The following PLD1 variants were observed in gnomAD, a reference collection of about 807,000 sequenced individuals.
PLD1 encodes the protein choline phosphatase 1.
PLD1 carries 112 observed loss-of-function variants against 137.1 expected under a neutral mutation model. That is an observed-to-expected ratio of 0.82 (90% CI 0.70 to 0.96). The LOEUF (loss-of-function observed/expected upper bound fraction) is 0.96. Ranked by LOEUF, PLD1 falls within the 40% of genes least tolerant of loss-of-function variation. PLD1 has a pLI of 0.00. For synonymous variants in PLD1, 431 were observed against 454.7 expected (o/e 0.95, Z 0.66); for missense variants, 1,321 against 1,342.0 (o/e 0.98, Z 0.24).
chr3:171,632,486 A>T (rs1297247818), intron 23 of PLD1, among the ~76,000 whole-genome samples: 1 of 152,152 alleles, frequency 6.6e-6, no homozygotes, highest in African/African-American at 2.4e-5. Flanking sequence ...TTGATATTTG[A>T]ACTATACTTG....
At chr3:171,756,914 T>C (rs1335319482) in intron 1 of PLD1, among the ~76,000 whole-genome samples, 3 of 152,240 alleles carry the variant, frequency 2.0e-5, no homozygotes, top group Admixed American at 6.5e-5. Context: ...TCATGGTTTA[T>C]AAATTATATC....
chr3:171,687,212 C>G (rs1714655075), intron 15 of PLD1, among the ~76,000 whole-genome samples, 159 bp downstream of exon 15: 1 of 152,186 alleles, frequency 6.6e-6, no homozygotes, highest in South Asian at 2.1e-4. Flanking sequence ...AACAAAGCCA[C>G]CAAATGGCAT....
chr3:171,645,106 G>T, intron 21 of PLD1, 83 bp from the exon 22 acceptor site: 1 of 875,968 alleles, frequency 1.1e-6, no homozygotes, highest in Non-Finnish European at 1.9e-6. Context: ...AGTTCACATG[G>T]TTTTTGAGAT....
chr3:171,710,869 G>GTTTTTT (rs1281179100), intron 9 of PLD1, among the ~76,000 whole-genome samples: 2 of 98,682 alleles, frequency 2.0e-5, no homozygotes, highest in African/African-American at 1.1e-4. Flanking sequence ...TAGGAAAACT[G>GTTTTTT]TTCTTTTTTT....
chr3:171,670,949 T>C lies in PLD1; in HGVS notation c.2229+3551A>G, dbSNP rs572570479. Among the ~76,000 whole-genome samples the C allele has an allele frequency of 7.2e-5, 11 of 152,350 alleles. No individual in the cohort carries two copies. In the South Asian group the frequency reaches 2.1e-3, roughly 29 times the overall value. ...GATTAAATAGAAAGTCATTAACACC[T>C]GTACTTTGAATGATACCTCTTGTAT... On this transcript the variant is annotated intron_variant, in intron 19 of 26. Coordinates refer to ENST00000351298, the MANE Select transcript of PLD1 (RefSeq NM_002662.5).
chr3:171,721,540 G>A (rs1718128617), intron 8 of PLD1: 1 of 152,182 alleles, frequency 6.6e-6, no homozygotes, highest in Non-Finnish European at 1.5e-5. Context: ...GGTGGGTTCT[G>A]ACAGCCTACA....
chr3:171,672,135 C>T (rs1712833057), intron 19 of PLD1, among the ~76,000 whole-genome samples: 1 of 152,200 alleles, frequency 6.6e-6, no homozygotes, highest in Admixed American at 6.5e-5. Context: ...GATTTCCAAA[C>T]TCTTACAGCA....
chr3:171,620,742 C>CTCTATATATATATA (rs1473647659), intron 23 of PLD1, among the ~76,000 whole-genome samples: 1 of 94,794 alleles, frequency 1.1e-5, no homozygotes, highest in Non-Finnish European at 2.0e-5. Context: ...CTCTCTCTCT[C>CTCTATATATATATA]TATATATATA....
intron 8 of PLD1, among the ~76,000 whole-genome samples, chr3:171,718,942 TAA>T (rs374279116): frequency 0.011 from 1,736 of 152,276 alleles, 34 homozygotes; most frequent in African/African-American, 0.04. Flanking sequence ...CCGTCTGTTT[TAA>T]AAAGATACCT....
chr3:171,736,028 G>A (rs994796722), intron 3 of PLD1, among the ~76,000 whole-genome samples: 2 of 152,086 alleles, frequency 1.3e-5, no homozygotes, highest in Admixed American at 1.3e-4. Context: ...AATTGGCAGG[G>A]GTGAGACGTA....
In PLD1 at chr3:171,795,252, G is replaced by A. The variant is rs370738351; in HGVS notation, c.-32+15147C>T. Among the ~76,000 whole-genome samples, 9 of 152,254 alleles carry A rather than the reference G, an allele frequency of 5.9e-5. No homozygotes were observed. The East Asian group carries it at 9.6e-4, about 16-fold the overall frequency. ...CTCCTCTGTTGCTGTTTCATGTGTC[G>A]CCCATGGGAACCTGGCAGTCATACA... is the stretch of plus-strand genomic sequence containing the variant. On this transcript the variant is annotated intron_variant, in intron 1 of 26. Coordinates refer to ENST00000351298, the MANE Select transcript of PLD1 (RefSeq NM_002662.5).
intron 23 of PLD1, among the ~76,000 whole-genome samples, chr3:171,638,015 C>T (rs1370591970): frequency 1.3e-5 from 2 of 151,636 alleles, no homozygotes; most frequent in Non-Finnish European, 2.9e-5. Context: ...CCCATCTCCA[C>T]TAAAAAAATA....
chr3:171,734,426 T>G (rs1015517595), intron 5 of PLD1, among the ~76,000 whole-genome samples: 3 of 152,254 alleles, frequency 2.0e-5, no homozygotes, highest in Non-Finnish European at 4.4e-5. Flanking sequence ...CTGTCTGTAC[T>G]CCGTCAGACT....
At chr3:171,746,943 G>A (rs1462564436) in intron 1 of PLD1, among the ~76,000 whole-genome samples, 2 of 152,190 alleles carry the variant, frequency 1.3e-5, no homozygotes, top group Non-Finnish European at 2.9e-5. Flanking sequence ...TAGGCTTTGG[G>A]TCTGCACTGC....
At chr3:171,749,983 C>CA (rs1324712645) in intron 1 of PLD1, among the ~76,000 whole-genome samples, 5 of 152,086 alleles carry the variant, frequency 3.3e-5, no homozygotes, top group East Asian at 1.9e-4. Context: ...CTAAACTCAA[C>CA]AAAAAATCCC....
At position 171,620,481 on chromosome 3, in the gene PLD1, A is replaced by C. The variant is rs746135602; in HGVS notation, c.2633T>G (p.Leu878Arg). 5 of 1,599,610 alleles carry C rather than the reference A, an allele frequency of 3.1e-6. No individual in the cohort carries two copies. The highest frequency in any genetic ancestry group is 4.3e-6 in the Non-Finnish European group (5 of 1,167,886). ...TCCTTCGAGCTCTGCATGTGTTCTA[A>C]GACCACAGAATGATATGTAATTTAT... ...QWINYISFCG[L>R]RTHAELEGNL... The change falls in exon 24 of 27, where the codon CTT becomes CGT. Residue 878 changes from leucine (L) to arginine (R), a missense_variant. Physicochemically the swap from Leu to Arg is moderately radical, Grantham distance 102 (BLOSUM62 -2). Coordinates refer to ENST00000351298, the MANE Select transcript of PLD1 (RefSeq NM_002662.5).
At chr3:171,651,717 C>A (rs1736781196) in intron 21 of PLD1, among the ~76,000 whole-genome samples, 1 of 152,162 alleles carries the variant, frequency 6.6e-6, no homozygotes, top group Non-Finnish European at 1.5e-5. Context: ...TTAGACTTCA[C>A]CCTGGGCTTG....
Position 171,625,119 on chromosome 3 carries a change from T to A in PLD1, c.2594-4599A>T, listed in dbSNP as rs562000272. Among the ~76,000 whole-genome samples, 14 of 151,678 alleles carry A rather than the reference T, an allele frequency of 9.2e-5. 1 individual carries two copies. In the South Asian group the frequency reaches 2.7e-3, roughly 29 times the overall value. On this transcript the variant is annotated intron_variant, in intron 23 of 26. Coordinates refer to ENST00000351298, the MANE Select transcript of PLD1 (RefSeq NM_002662.5). ...CCTAGTCAAAGAAAGGGGTGACAGA[T>A]GGCACCTGGAAAATCGGGTCACTCC...
chr3:171,789,424 T>C (rs1162199594), intron 1 of PLD1: 1 of 152,262 alleles, frequency 6.6e-6, no homozygotes, highest in East Asian at 1.9e-4. Context: ...AGCTGTAGAA[T>C]AATGTAATCT....
Sources: allele counts gnomAD v4.1 joint callset (sites outside exome capture counted in the v4.1 genomes callset), GRCh38; gene constraint gnomAD v4.1.1; transcripts MANE v1.5; gene names NCBI Gene and HGNC (gene_info 2026-07-23, HGNC 2026-07-21).